Variants in STK33 observed in about 807,000 individuals in gnomAD.
STK33 encodes the protein serine/threonine-protein kinase 33.
A neutral mutation model predicts 58.0 loss-of-function variants in STK33; 52 were observed. The observed-to-expected ratio is 0.90, with a 90% CI of 0.72 to 1.13. The LOEUF (loss-of-function observed/expected upper bound fraction) is 1.13, where lower values mean the gene tolerates loss of function less well. Among genes scored for constraint, STK33 ranks in the 50% most tolerant of loss-of-function variants. The pLI, the probability that STK33 is intolerant of heterozygous loss-of-function variation, is 0.00. For missense variants in STK33, 630 were observed against 604.2 expected (o/e 1.04, Z -0.45); for synonymous variants, 215 against 200.1 (o/e 1.07, Z -0.63).
At chr11:8,385,619 A>T in the STK33 span, among the ~76,000 whole-genome samples, 5 of 152,198 alleles carry the variant, frequency 3.3e-5, no homozygotes, top group Non-Finnish European at 7.3e-5. Context: ...GATGGCCATC[A>T]TCTGTCTCTG....
the STK33 span, among the ~76,000 whole-genome samples, chr11:8,353,860 C>G: frequency 6.6e-6 from 1 of 152,148 alleles, no homozygotes; most frequent in Admixed American, 6.5e-5. Flanking sequence ...AGATCCAGGC[C>G]ATTTGGAACC....
At chr11:8,389,937 G>T (rs1848595084), downstream of STK33, among the ~76,000 whole-genome samples, 1 of 152,118 alleles carries the variant, frequency 6.6e-6, no homozygotes, top group Non-Finnish European at 1.5e-5. Flanking sequence ...CCCTGGGAGG[G>T]GGCTAACTTT....
At chr11:8,337,445 C>T in the STK33 span, among the ~76,000 whole-genome samples, 7 of 152,152 alleles carry the variant, frequency 4.6e-5, no homozygotes, top group South Asian at 2.1e-4. Flanking sequence ...CCAACAGGGC[C>T]GGCCTAGGGG....
At chr11:8,517,658 G>A (rs558567060) in intron 1 of STK33, among the ~76,000 whole-genome samples, 13 of 152,300 alleles carry the variant, frequency 8.5e-5, no homozygotes, top group African/African-American at 3.1e-4. Context: ...ACCTGATGGA[G>A]CTGAAAATCA....
intron 1 of STK33, among the ~76,000 whole-genome samples, chr11:8,504,171 T>C (rs1382888022): frequency 2.6e-5 from 4 of 152,168 alleles, no homozygotes; most frequent in Non-Finnish European, 5.9e-5. Flanking sequence ...TAGCCAGACA[T>C]AAGCCTGTCA....
At chr11:8,396,116 T>G (rs770818100) in intron 15 of STK33, among the ~76,000 whole-genome samples, 2 of 152,118 alleles carry the variant, frequency 1.3e-5, no homozygotes, top group Non-Finnish European at 2.9e-5. Flanking sequence ...ATATATATAT[T>G]TTTTGAGGTG....
At chr11:8,492,320 T>C (rs1362778442) in intron 1 of STK33, among the ~76,000 whole-genome samples, 1 of 151,500 alleles carries the variant, frequency 6.6e-6, no homozygotes, top group Non-Finnish European at 1.5e-5. Context: ...AAACAGACTT[T>C]AAACCAACAA....
chr11:8,522,389 C>G (rs1953542131), intron 1 of STK33, among the ~76,000 whole-genome samples: 1 of 152,044 alleles, frequency 6.6e-6, no homozygotes, highest in African/African-American at 2.4e-5. Flanking sequence ...AAACCAAACA[C>G]CGCATGTTCT....
chr11:8,455,510 C>T lies in STK33; in HGVS notation c.698-678G>A, dbSNP rs146002660. Among the ~76,000 whole-genome samples, 316 of 152,180 alleles carry T rather than the reference C, an allele frequency of 2.1e-3. 1 individual carries two copies. The highest frequency in any genetic ancestry group is 7.2e-3 in the African/African-American group (299 of 41,532). ...TATCCATTGCAAACATTTCCCTAGA[C>T]TTAAAAAGTTATACACGGCCAGGCG... On this transcript the variant is annotated intron_variant, in intron 9 of 15. Transcript: ENST00000687296.
intron 15 of STK33, among the ~76,000 whole-genome samples, chr11:8,396,933 C>G (rs1006855789): frequency 1.3e-5 from 2 of 152,174 alleles, no homozygotes; most frequent in African/African-American, 4.8e-5. Flanking sequence ...CCGCCATTGC[C>G]GAGGCTTGAG....
At chr11:8,380,641 G>C in the STK33 span, among the ~76,000 whole-genome samples, 8 of 151,926 alleles carry the variant, frequency 5.3e-5, no homozygotes, top group East Asian at 1.5e-3. Flanking sequence ...ATACACTGCT[G>C]GTTGGAATGT....
rs554964643 is a variant in STK33 at position 8,496,506 on chromosome 11, G to A, written c.-465-15892C>T. Reference sequence around the variant, plus strand: ...AGGAATCTCTACTGATGTTAATTAAGTTTGATCTTGCCTCTAGGATTGGAC... The same window carrying A: ...AGGAATCTCTACTGATGTTAATTAAATTTGATCTTGCCTCTAGGATTGGAC... On this transcript the variant is annotated intron_variant, in intron 1 of 15. Coordinates refer to ENST00000687296, the MANE Select transcript of STK33 (RefSeq NM_001352389.2). Among the ~76,000 whole-genome samples, 9 of 151,990 alleles carry A rather than the reference G, an allele frequency of 5.9e-5. No individual in the cohort carries two copies. In the East Asian group the frequency reaches 1.5e-3, roughly 26 times the overall value.
At chr11:8,458,374 C>T (rs1947128006) in intron 8 of STK33, among the ~76,000 whole-genome samples, 2 of 150,814 alleles carry the variant, frequency 1.3e-5, no homozygotes, top group East Asian at 1.9e-4. Flanking sequence ...TACTCTTTTA[C>T]ATTTTTGCAA....
At chr11:8,431,930 T>G (rs2136176267) in intron 14 of STK33, among the ~76,000 whole-genome samples, 1 of 152,292 alleles carries the variant, frequency 6.6e-6, no homozygotes, top group Admixed American at 6.5e-5. Context: ...CCTCCATACC[T>G]CTGGTCATTT....
chr11:8,387,540 C>T (rs954816411), downstream of STK33, among the ~76,000 whole-genome samples: 12 of 152,270 alleles, frequency 7.9e-5, no homozygotes, highest in African/African-American at 2.6e-4. Flanking sequence ...ATACACGTAA[C>T]GTGCTTAGAA....
At chr11:8,578,617 C>A (rs1356833788) in intron 1 of STK33, among the ~76,000 whole-genome samples, 1 of 151,760 alleles carries the variant, frequency 6.6e-6, no homozygotes, top group African/African-American at 2.4e-5. Context: ...CACACACACA[C>A]ACACATCTCT....
At chr11:8,378,282 G>T in the STK33 span, among the ~76,000 whole-genome samples, 5 of 152,236 alleles carry the variant, frequency 3.3e-5, no homozygotes, top group Non-Finnish European at 5.9e-5. Context: ...ACTTCGGGAG[G>T]CCGAGGTGGG....
chr11:8,432,295 C>T (rs1943517564), intron 14 of STK33, among the ~76,000 whole-genome samples: 1 of 152,088 alleles, frequency 6.6e-6, no homozygotes, highest in Non-Finnish European at 1.5e-5. Flanking sequence ...CACCAGGAGA[C>T]TTGAAGGAAT....
intron 1 of STK33, among the ~76,000 whole-genome samples, chr11:8,516,348 T>C (rs1022725219): frequency 6.6e-6 from 1 of 152,070 alleles, no homozygotes; most frequent in Non-Finnish European, 1.5e-5. Context: ...AAACTGGATA[T>C]CCACATATAA....
Sources: gnomAD v4.1 joint callset for allele counts (sites outside exome capture counted in the v4.1 genomes callset) on GRCh38, gnomAD v4.1.1 for gene constraint, MANE v1.5 for transcripts, NCBI Gene and HGNC (gene_info 2026-07-23, HGNC 2026-07-21) for gene names.